PEAK1: variants seen among roughly 807,000 people sequenced by gnomAD.
The protein encoded by PEAK1 is inactive tyrosine-protein kinase PEAK1.
PEAK1 carries 54 observed loss-of-function variants against 124.7 expected under a neutral mutation model. The ratio of observed to expected loss-of-function variants is 0.43; its 90% CI spans 0.35 to 0.54. PEAK1 has a LOEUF of 0.54. PEAK1 is among the 20% of genes least tolerant of loss of function. The pLI, the probability that PEAK1 is intolerant of heterozygous loss-of-function variation, is 0.01. For synonymous variants in PEAK1, 719 were observed against 760.0 expected (o/e 0.95, Z 0.89); for missense variants, 2,046 against 2,134.5 (o/e 0.96, Z 0.82).
chr15:77,248,658 G>T (rs943981390), intron 6 of PEAK1, among the ~76,000 whole-genome samples: 57 of 152,094 alleles, frequency 3.7e-4, no homozygotes, highest in African/African-American at 1.2e-3. Context: ...GGTACTTTGG[G>T]ACTCCCCAGC....
chr15:77,242,413 G>GT (rs2060398398), intron 6 of PEAK1, among the ~76,000 whole-genome samples: 2 of 151,994 alleles, frequency 1.3e-5, no homozygotes, highest in Admixed American at 6.6e-5. Context: ...TTAAATTACT[G>GT]TATCATTTAT....
rs138358215 is a variant in PEAK1, at chr15:77,410,682, C to A, written c.-666+9324G>T. Among the ~76,000 whole-genome samples the A allele has an allele frequency of 1.1e-4, 17 of 152,318 alleles. No individual in the cohort carries two copies. In the East Asian group the frequency reaches 2.9e-3, roughly 26 times the overall value. On this transcript the variant is annotated intron_variant, in intron 1 of 9. Coordinates refer to ENST00000682557, the MANE Select transcript of PEAK1 (RefSeq NM_001385026.1). ...AGGAACTGTGCTAATAAGATACAGT[C>A]TTTGCACTCAATGCATTGGCTCTTT...
intron 6 of PEAK1, among the ~76,000 whole-genome samples, chr15:77,242,864 C>A (rs1057214590): frequency 2.0e-5 from 3 of 152,124 alleles, no homozygotes; most frequent in Non-Finnish European, 2.9e-5. Flanking sequence ...TGTCTTCCAA[C>A]AGGAAAGTAT....
chr15:77,394,793 C>T (rs1031048580), intron 1 of PEAK1, among the ~76,000 whole-genome samples: 3 of 152,202 alleles, frequency 2.0e-5, no homozygotes, highest in Non-Finnish European at 2.9e-5. Context: ...TTAAAACAAA[C>T]TGAATAAGGC....
intron 5 of PEAK1, among the ~76,000 whole-genome samples, chr15:77,265,281 T>C (rs1230352404): frequency 3.3e-5 from 5 of 152,164 alleles, no homozygotes; most frequent in African/African-American, 4.8e-5. Context: ...AAAGAGCTTC[T>C]GCACAGCAAA....
chr15:77,320,878 C>A (rs910212189), intron 2 of PEAK1, among the ~76,000 whole-genome samples: 16 of 151,132 alleles, frequency 1.1e-4, no homozygotes, highest in African/African-American at 3.9e-4. Flanking sequence ...TCTCATTGTT[C>A]AATTCCCACC....
At chr15:77,262,811 C>G (rs1470214872) in intron 5 of PEAK1, among the ~76,000 whole-genome samples, 1 of 151,994 alleles carries the variant, frequency 6.6e-6, no homozygotes, top group Non-Finnish European at 1.5e-5. Flanking sequence ...TTTTTTTCAG[C>G]ACCACACCAC....
In PEAK1 at chr15:77,322,944, A is replaced by T. The variant is rs537950535; in HGVS notation, c.-602-36440T>A. Among the ~76,000 whole-genome samples the T allele has an allele frequency of 3.3e-3, 504 of 151,902 alleles. 2 individuals are homozygous for T. The highest frequency in any genetic ancestry group is 0.012 in the African/African-American group (478 of 41,432). ...CAAAAGCTTATCCACCATGATCAAG[A>T]GGGCTTCATCCCTGGGATGCAAGGC... On this transcript the variant is annotated intron_variant, in intron 2 of 9. Coordinates refer to ENST00000682557, the MANE Select transcript of PEAK1 (RefSeq NM_001385026.1).
In PEAK1 at chr15:77,114,042, G is replaced by A; in HGVS notation, c.*114C>T. ...ATAGACCCACTTGTTCACGGACAGG[G>A]ATAGAGGTTTGCCTTTCTTCTTTCC... On this transcript the variant is annotated 3_prime_UTR_variant, in exon 10 of 10. Transcript: ENST00000682557. 1 of 1,127,958 alleles carries A rather than the reference G, an allele frequency of 8.9e-7. No homozygotes were observed. The highest frequency in any genetic ancestry group is 1.4e-5 in the South Asian group (1 of 69,390). The allele number at this position is 1,127,958 out of a possible 1,614,324, so 69.9% of individuals were successfully genotyped here. A position where few individuals can be genotyped will look rare whatever the true frequency, so the allele number is the denominator to read the frequency against.
At chr15:77,122,762 TAA>T (rs1267240094) in intron 9 of PEAK1, among the ~76,000 whole-genome samples, 1 of 152,198 alleles carries the variant, frequency 6.6e-6, no homozygotes, top group Non-Finnish European at 1.5e-5. Flanking sequence ...TCACTTTCTG[TAA>T]AGTTTCACTG....
chr15:77,160,271 G>A (rs1266806004), intron 7 of PEAK1, among the ~76,000 whole-genome samples: 3 of 152,274 alleles, frequency 2.0e-5, no homozygotes, highest in East Asian at 3.9e-4. Flanking sequence ...TGTCAAGAGT[G>A]TATATTACTG....
At chr15:77,144,663 T>C (rs974881293) in intron 8 of PEAK1, among the ~76,000 whole-genome samples, 8 of 152,208 alleles carry the variant, frequency 5.3e-5, no homozygotes, top group Admixed American at 5.2e-4. Context: ...TACGATCTCC[T>C]GGGAGCTAAG....
chr15:77,179,912 CTTTCTG>C lies in PEAK1; in HGVS notation c.2009_2014del (p.Thr670_Glu671del), dbSNP rs776654928. ...GCTAGTGGTGTTATCAGGCACTTTG[CTTTCTG>C]TTTCTATTTCTTCATAAGTATGGCT... is the stretch of plus-strand genomic sequence containing the variant. On this transcript the variant is annotated inframe_deletion, in exon 7 of 10. Coordinates refer to ENST00000682557, the MANE Select transcript of PEAK1 (RefSeq NM_001385026.1). 8 of 1,613,986 alleles carry C rather than the reference CTTTCTG, an allele frequency of 5.0e-6. No homozygotes were observed. The highest frequency in any genetic ancestry group is 3.3e-5 in the Admixed American group (2 of 59,994).
chr15:77,267,392 G>T (rs372071923), intron 5 of PEAK1, among the ~76,000 whole-genome samples: 5 of 152,168 alleles, frequency 3.3e-5, no homozygotes, highest in East Asian at 3.9e-4. Context: ...CCTCCTATCT[G>T]AAGGCCAATC....
chr15:77,409,714 A>T (rs1477118975), intron 1 of PEAK1, among the ~76,000 whole-genome samples: 1 of 152,178 alleles, frequency 6.6e-6, no homozygotes, highest in Non-Finnish European at 1.5e-5. Flanking sequence ...TTTAACACTC[A>T]GCATATGCAA....
chr15:77,126,691 G>A (rs1375865963), intron 9 of PEAK1, among the ~76,000 whole-genome samples: 4 of 152,192 alleles, frequency 2.6e-5, no homozygotes, highest in Non-Finnish European at 4.4e-5. Context: ...ATACACTGAT[G>A]TGAAAACCAA....
At chr15:77,327,949 C>T (rs2065678358) in intron 2 of PEAK1, among the ~76,000 whole-genome samples, 1 of 152,076 alleles carries the variant, frequency 6.6e-6, no homozygotes, top group South Asian at 2.1e-4. Flanking sequence ...GGCAACAGTG[C>T]ATGCTGACTT....
intron 7 of PEAK1, among the ~76,000 whole-genome samples, chr15:77,167,497 A>G (rs1462801517): frequency 6.6e-6 from 1 of 152,242 alleles, no homozygotes; most frequent in Non-Finnish European, 1.5e-5. Flanking sequence ...ACTCATCTTA[A>G]CTTTAGGAAA....
chr15:77,328,201 A>G (rs934541200), intron 2 of PEAK1, among the ~76,000 whole-genome samples: 1 of 152,182 alleles, frequency 6.6e-6, no homozygotes, highest in Non-Finnish European at 1.5e-5. Context: ...CCTTCAATAA[A>G]AAAGAAAGTA....
Sources: allele counts gnomAD v4.1 joint callset (sites outside exome capture counted in the v4.1 genomes callset), GRCh38; gene constraint gnomAD v4.1.1; transcripts MANE v1.5; gene names NCBI Gene and HGNC (gene_info 2026-07-23, HGNC 2026-07-21).